ERICH1: variants seen among roughly 807,000 people sequenced by gnomAD.
ERICH1 encodes the protein glutamate-rich protein 1.
Under a neutral mutation model 39.6 loss-of-function variants are expected in ERICH1, and 56 were observed. The observed-to-expected ratio is 1.41, with a 90% CI of 1.14 to 1.77. ERICH1 has a LOEUF of 1.77. Ranked by LOEUF, ERICH1 falls within the 40% of genes most tolerant of loss-of-function variation. ERICH1 has a pLI of 0.00. For missense variants in ERICH1, 826 were observed against 575.4 expected (o/e 1.44, Z -4.45); for synonymous variants, 313 against 223.6 (o/e 1.40, Z -3.57).
intron 3 of ERICH1, among the ~76,000 whole-genome samples, chr8:680,600 C>T (rs71514183): frequency 0.17 from 26,180 of 149,828 alleles, 2,354 homozygotes; most frequent in Middle Eastern, 0.3. Flanking sequence ...CCAAGAGAAT[C>T]CACAGCTGCC....
intron 3 of ERICH1, among the ~76,000 whole-genome samples, chr8:631,884 C>T (rs1006316384): frequency 6.6e-6 from 1 of 152,088 alleles, no homozygotes; most frequent in African/African-American, 2.4e-5. Flanking sequence ...TCAGTCAATG[C>T]TGTACTTGTT....
chr8:671,023 G>A (rs1369710139), intron 4 of ERICH1, among the ~76,000 whole-genome samples: 1 of 151,546 alleles, frequency 6.6e-6, no homozygotes, highest in Non-Finnish European at 1.5e-5. Context: ...GAACCTGCCG[G>A]CCCCTGCTCC....
chr8:726,336 C>T (rs1042060711), intron 1 of ERICH1, among the ~76,000 whole-genome samples: 3 of 151,564 alleles, frequency 2.0e-5, no homozygotes, highest in African/African-American at 7.3e-5. Flanking sequence ...TATGCAGGCA[C>T]ACAACACACA....
intron 4 of ERICH1, among the ~76,000 whole-genome samples, chr8:669,642 C>T (rs1055952109): frequency 6.6e-6 from 1 of 152,280 alleles, no homozygotes; most frequent in Non-Finnish European, 1.5e-5. Context: ...CCTTCCCTGT[C>T]CAACACACGA....
intron 3 of ERICH1, among the ~76,000 whole-genome samples, chr8:638,339 G>A (rs899305095): frequency 2.6e-5 from 4 of 152,190 alleles, no homozygotes; most frequent in South Asian, 2.1e-4. Context: ...GCTTGGGCAC[G>A]TTCAGACCCT....
chr8:628,971 G>A (rs774063639), intron 3 of ERICH1, among the ~76,000 whole-genome samples: 4 of 152,126 alleles, frequency 2.6e-5, no homozygotes, highest in Admixed American at 6.5e-5. Context: ...GGGAGGGCCC[G>A]GCACCCACCA....
chr8:629,848 G>C, intron 3 of ERICH1, among the ~76,000 whole-genome samples: 1 of 132,544 alleles, frequency 7.5e-6, no homozygotes, highest in Non-Finnish European at 1.5e-5. Flanking sequence ...ACACCCTCCC[G>C]TGACCACCCA....
chr8:678,923 C>T (rs1164076471), intron 3 of ERICH1, among the ~76,000 whole-genome samples: 2 of 152,144 alleles, frequency 1.3e-5, no homozygotes, highest in African/African-American at 4.8e-5. Flanking sequence ...ATGGCTCTGA[C>T]GACCGTCACA....
At chr8:703,941 T>G (rs1014508018) in intron 2 of ERICH1, among the ~76,000 whole-genome samples, 1 of 152,090 alleles carries the variant, frequency 6.6e-6, no homozygotes, top group African/African-American at 2.4e-5. Flanking sequence ...CAGACCATGC[T>G]CAAGACCTCA....
chr8:650,134 G>A (rs1585037008), intron 3 of ERICH1, among the ~76,000 whole-genome samples: 1 of 152,342 alleles, frequency 6.6e-6, no homozygotes, highest in East Asian at 1.9e-4. Context: ...CCGGGAGCGC[G>A]CAGAGCTGAG....
At chr8:639,547 C>T (rs561168728) in intron 3 of ERICH1, among the ~76,000 whole-genome samples, 3 of 152,152 alleles carry the variant, frequency 2.0e-5, no homozygotes, top group Non-Finnish European at 4.4e-5. Flanking sequence ...CGACCGAGAA[C>T]CCTGGATTCA....
chr8:664,816 T>C (rs1801944989), intron 5 of ERICH1, 140 bp from the exon 6 acceptor site: 2 of 627,058 alleles, frequency 3.2e-6, no homozygotes, highest in Non-Finnish European at 2.7e-6. Context: ...GGCATGAAAC[T>C]GATGTTGAAA....
chr8:677,049 A>G (rs9693887), intron 3 of ERICH1, among the ~76,000 whole-genome samples: 28,538 of 152,232 alleles, frequency 0.19, 3,579 homozygotes, highest in East Asian at 0.49. Context: ...CTGTCTCAAC[A>G]GCCTCAAGCA....
At chr8:686,323 C>G (rs1010279691) in intron 3 of ERICH1, among the ~76,000 whole-genome samples, 2 of 152,216 alleles carry the variant, frequency 1.3e-5, no homozygotes, top group East Asian at 3.8e-4. Flanking sequence ...CTAGACATTT[C>G]TCTAATCCAA....
intron 3 of ERICH1, among the ~76,000 whole-genome samples, chr8:623,030 C>T (rs978633083): frequency 9.9e-5 from 15 of 151,898 alleles, no homozygotes; most frequent in African/African-American, 2.4e-5. Context: ...ACCAATCCTA[C>T]CAAAAAAACA....
intron 3 of ERICH1, among the ~76,000 whole-genome samples, chr8:656,143 G>A (rs1186436302): frequency 6.6e-6 from 1 of 152,134 alleles, no homozygotes; most frequent in Non-Finnish European, 1.5e-5. Context: ...CCTCGCTGCT[G>A]GCACGGTCCT....
At chr8:674,235 T>C (rs145128659) in intron 3 of ERICH1, among the ~76,000 whole-genome samples, 188 bp from the exon 4 acceptor site, 202 of 150,368 alleles carry the variant, frequency 1.3e-3, no homozygotes, top group Admixed American at 4.4e-3. Flanking sequence ...TAGCAGTACA[T>C]ACACTCACAG....
rs2117275150 is a variant in ERICH1, at chr8:646,487, T to A, written c.976+22111A>T. 2.9e-5 allele frequency among the ~76,000 whole-genome samples: 2 copies of A among 68,726 alleles called. 1 individual carries two copies. Among genetic ancestry groups the A allele is most frequent in the East Asian group, 6.0e-4 (2 of 3,330 alleles). The allele number at this position is 68,726 out of a possible 152,430, so 45.1% of individuals were successfully genotyped here. A position where few individuals can be genotyped will look rare whatever the true frequency, so the allele number is the denominator to read the frequency against. ...TGTTTAATCAAATGCAGAACAGAAATCCATTTTGGAAACTGCATTTTATTC... is the reference window on the plus strand; with the variant it reads ...TGTTTAATCAAATGCAGAACAGAAAACCATTTTGGAAACTGCATTTTATTC... On this transcript the variant is annotated intron_variant, in intron 3 of 3. Coordinates refer to the ERICH1 transcript ENST00000522706.
chr8:676,528 C>T (rs907400611), intron 3 of ERICH1, among the ~76,000 whole-genome samples: 2 of 151,444 alleles, frequency 1.3e-5, no homozygotes, highest in Admixed American at 6.6e-5. Context: ...GGCGGCCCCT[C>T]GTGAGGACAG....
Sources: gnomAD v4.1 joint callset for allele counts (sites outside exome capture counted in the v4.1 genomes callset) on GRCh38, gnomAD v4.1.1 for gene constraint, MANE v1.5 for transcripts, NCBI Gene and HGNC (gene_info 2026-07-23, HGNC 2026-07-21) for gene names.